Variants in GPR174 observed in about 807,000 individuals in gnomAD.
The protein encoded by GPR174 is probable G protein-coupled receptor 174.
A neutral mutation model predicts 16.5 loss-of-function variants in GPR174; 8 were observed. That is an observed-to-expected ratio of 0.48 (90% confidence interval 0.28 to 0.87). The LOEUF (loss-of-function observed/expected upper bound fraction) is 0.87. Ranked by LOEUF, GPR174 falls within the 40% of genes least tolerant of loss-of-function variation. GPR174 has a pLI of 0.09. For missense variants in GPR174, 214 were observed against 247.5 expected, an observed-to-expected ratio of 0.86 and a Z score of 0.91; for synonymous variants, 111 against 94.8, an observed-to-expected ratio of 1.17 and a Z score of -0.99.
At position 79,144,950 on chromosome X, in the gene GPR174, T is replaced by TTTTC. The variant is rs1216942456; in HGVS notation, c.-907_-904dup. ...CTCTCCTTTCCTTTTCTTTCTTTCT[T>TTTTC]TTTCTTTCTTTCTTTCTCTTTCTTT... On this transcript the variant is annotated 5_prime_UTR_variant, in exon 1 of 3. Coordinates refer to ENST00000645147, the MANE Select transcript of GPR174 (RefSeq NM_032553.3). The TTTTC allele has an allele frequency of 1.6e-4, 17 of 106,216 alleles. No homozygotes were observed. The highest frequency in any genetic ancestry group is 9.0e-4 in the South Asian group (2 of 2,215). 8.8% of individuals were successfully genotyped at this position (106,216 alleles called of 1,213,427 possible).
At chrX:79,166,425 CTTTTTTCTTTTTTTTTTTTT>C (rs1921365882) in intron 2 of GPR174, among the ~76,000 whole-genome samples, 2 of 42,539 alleles carry the variant, frequency 4.7e-5, no homozygotes, top group African/African-American at 8.2e-5. Flanking sequence ...TTTTTCTTTT[CTTTTTTCTTTTTTTTTTTTT>C]TTTTTTTTTT....
chrX:79,146,302 T>G (rs925163165), intron 1 of GPR174, among the ~76,000 whole-genome samples: 11 of 112,541 alleles, frequency 9.8e-5, no homozygotes, highest in African/African-American at 3.5e-4. Flanking sequence ...GACTTTATTT[T>G]ATACTGCTCA....
chrX:79,167,256 T>C (rs1426788969), intron 2 of GPR174, among the ~76,000 whole-genome samples: 1 of 112,246 alleles, frequency 8.9e-6, no homozygotes, highest in Non-Finnish European at 1.9e-5. Flanking sequence ...CCAATTTGGT[T>C]ATCTGTGATG....
Position 79,171,597 on chromosome X carries a change from C to T in GPR174, c.590C>T (p.Pro197Leu), listed in dbSNP as rs985457789. Residue 197 changes from proline (P) to leucine (L), a missense_variant, in exon 3 of 3, where the codon CCG (proline) becomes CTG (leucine). By Grantham distance (98) the Pro-to-Leu change is moderately conservative. Coordinates refer to ENST00000645147, the MANE Select transcript of GPR174 (RefSeq NM_032553.3). ...TIGELIGFVT[P>L]LLIVLYCTWK... ...GGCGAGTTGATTGGGTTTGTAACTC[C>T]GCTTCTGATTGTCCTATATTGTACC... The T allele has an allele frequency of 3.3e-6, 4 of 1,211,125 alleles. No individual in the cohort carries two copies. The highest frequency in any genetic ancestry group is 3.4e-6 in the Non-Finnish European group (3 of 895,321).
chrX:79,173,130 A>G lies in GPR174; in HGVS notation c.*1121A>G. ...CCAGAGTAAGTCTCTCTGCCCCATC[A>G]TTGCATACATATTACAGTCAGTCAC... On this transcript the variant is annotated 3_prime_UTR_variant, in exon 3 of 3. Transcript: ENST00000645147. 8.9e-6 allele frequency: 1 copy of G among 111,897 alleles called. No homozygotes were observed. Among genetic ancestry groups the G allele is most frequent in the Non-Finnish European group, 1.9e-5 (1 of 53,131 alleles). 9.2% of individuals were successfully genotyped at this position (111,897 alleles called of 1,213,427 possible).
At chrX:79,166,432 C>CTT (rs1174620976) in intron 2 of GPR174, among the ~76,000 whole-genome samples, 3,180 of 43,483 alleles carry the variant, frequency 0.073, 555 homozygotes, top group East Asian at 0.23. Context: ...TTTCTTTTTT[C>CTT]TTTTTTTTTT....
Position 79,170,921 on chromosome X carries a change from C to A in GPR174, c.-87C>A. The A allele has an allele frequency of 1.2e-6, 1 of 819,377 alleles. No homozygotes were observed. Among genetic ancestry groups the A allele is most frequent in the Non-Finnish European group, 1.7e-6 (1 of 572,731 alleles). The allele number at this position is 819,377 out of a possible 1,213,427, so 67.5% of individuals were successfully genotyped here. A position where few individuals can be genotyped will look rare whatever the true frequency, so the allele number is the denominator to read the frequency against. The stretch of plus-strand genomic sequence containing the variant: ...ATACTTCGTATCTCCAACCCACTGG[C>A]AATCAATCTTTTGGAAGGAACAGCA... On this transcript the variant is annotated 5_prime_UTR_variant, in exon 3 of 3. Coordinates refer to ENST00000645147, the MANE Select transcript of GPR174 (RefSeq NM_032553.3).
intron 2 of GPR174, among the ~76,000 whole-genome samples, chrX:79,166,432 C>CTTTTTTTTTTTTTTTTTTTTTTTTTT (rs1174620976): frequency 2.3e-5 from 1 of 43,625 alleles, no homozygotes; most frequent in Admixed American, 4.2e-4. Flanking sequence ...TTTCTTTTTT[C>CTTTTTTTTTTTTTTTTTTTTTTTTTT]TTTTTTTTTT....
At chrX:79,164,761 T>G (rs1350392742) in intron 2 of GPR174, among the ~76,000 whole-genome samples, 1 of 111,636 alleles carries the variant, frequency 9.0e-6, no homozygotes, top group Non-Finnish European at 1.9e-5. Context: ...AGAGGCAACA[T>G]GCTACGAAGA....
At chrX:79,159,345 G>C (rs762253222) in intron 2 of GPR174, among the ~76,000 whole-genome samples, 1 of 111,828 alleles carries the variant, frequency 8.9e-6, no homozygotes, top group South Asian at 3.7e-4. Flanking sequence ...GATGTATAAA[G>C]ATATTCATGA....
intron 2 of GPR174, among the ~76,000 whole-genome samples, chrX:79,160,701 G>A (rs1002207357): frequency 2.7e-5 from 3 of 111,462 alleles, no homozygotes; most frequent in African/African-American, 9.8e-5. Flanking sequence ...AAATAATTCA[G>A]GTAAATAGAG....
At chrX:79,162,386 A>T (rs1167430402) in intron 2 of GPR174, among the ~76,000 whole-genome samples, 1 of 111,725 alleles carries the variant, frequency 9.0e-6, no homozygotes, top group Admixed American at 9.5e-5. Context: ...AAAGAAAAAA[A>T]ATCTGAATGC....
chrX:79,155,399 A>C (rs1285589714), intron 1 of GPR174, among the ~76,000 whole-genome samples: 1 of 111,350 alleles, frequency 9.0e-6, no homozygotes, highest in Non-Finnish European at 1.9e-5. Flanking sequence ...TCAAGGACAA[A>C]AAATAATTTA....
rs1386760850 is a variant in GPR174 at position 79,145,000 on chromosome X, CTCTCTCTT to C, written c.-867_-860del. 0.01 allele frequency: 346 copies of C among 33,503 alleles called. 3 individuals carry two copies. The highest frequency in any genetic ancestry group is 0.015 in the Non-Finnish European group (211 of 13,770). 2.8% of individuals were successfully genotyped at this position (33,503 alleles called of 1,213,427 possible). On this transcript the variant is annotated 5_prime_UTR_variant, in exon 1 of 3. Coordinates refer to ENST00000645147, the MANE Select transcript of GPR174 (RefSeq NM_032553.3). ...TCTTTTTCTTTCTTTCTTTCTCTCT[CTCTCTCTT>C]TCTTTCTTTCTTTCTTTCTTTCTTT...
At chrX:79,167,345 A>G (rs1176508975) in intron 2 of GPR174, among the ~76,000 whole-genome samples, 1 of 111,933 alleles carries the variant, frequency 8.9e-6, no homozygotes, top group African/African-American at 3.3e-5. Flanking sequence ...CACATTTTTA[A>G]TAAGCACTCC....
Position 79,168,195 on chromosome X carries a change from G to A in GPR174, c.-556-2257G>A, listed in dbSNP as rs1367759409. Among the ~76,000 whole-genome samples, 9 of 111,783 alleles carry A rather than the reference G, an allele frequency of 8.1e-5. No individual in the cohort carries two copies. The East Asian group carries it at 1.7e-3, about 21-fold the overall frequency. ...AATGGTACAATTGCCTTTGATATAC[G>A]TGCACACAGCTGTTCAGTTTAACAA... On this transcript the variant is annotated intron_variant, in intron 2 of 2. Transcript: ENST00000645147.
Position 79,170,841 on chromosome X carries a change from C to T in GPR174, c.-167C>T, listed in dbSNP as rs1279429778. The T allele has an allele frequency of 6.8e-6, 3 of 442,773 alleles. No homozygotes were observed. Among genetic ancestry groups the T allele is most frequent in the African/African-American group, 2.5e-5 (1 of 40,210 alleles). The allele number at this position is 442,773 out of a possible 1,213,427, so 36.5% of individuals were successfully genotyped here. On this transcript the variant is annotated 5_prime_UTR_variant, in exon 3 of 3. Coordinates refer to ENST00000645147, the MANE Select transcript of GPR174 (RefSeq NM_032553.3). Reference sequence around the variant, plus strand: ...AATGCAGATCATTCTTTGAAAAATCCCCAAATCATACGTAGAGACTCAGAC... The same window carrying T: ...AATGCAGATCATTCTTTGAAAAATCTCCAAATCATACGTAGAGACTCAGAC...
At chrX:79,146,802 C>G (rs1354005333) in intron 1 of GPR174, among the ~76,000 whole-genome samples, 1 of 111,637 alleles carries the variant, frequency 9.0e-6, no homozygotes, top group African/African-American at 3.3e-5. Flanking sequence ...CATTATGCCC[C>G]TTTGTACTAG....
intron 2 of GPR174, among the ~76,000 whole-genome samples, chrX:79,158,448 C>T (rs5912782): frequency 0.033 from 1,007 of 30,487 alleles, 44 homozygotes; most frequent in African/African-American, 0.063. Context: ...CTTTCTTTTT[C>T]TTTTTTTTTT....
Sources: allele counts gnomAD v4.1 joint callset (sites outside exome capture counted in the v4.1 genomes callset), GRCh38; gene constraint gnomAD v4.1.1; transcripts MANE v1.5; gene names NCBI Gene and HGNC (gene_info 2026-07-23, HGNC 2026-07-21).